Variants in PLCB1 observed in about 807,000 individuals in gnomAD.
PLCB1 encodes 1-phosphatidylinositol 4,5-bisphosphate phosphodiesterase beta-1.
PLCB1 carries 46 observed loss-of-function variants against 161.8 expected under a neutral mutation model. The observed-to-expected ratio is 0.28, with a 90% CI of 0.22 to 0.36. PLCB1 has a LOEUF of 0.36. Ranked by LOEUF, PLCB1 falls within the 10% of genes least tolerant of loss-of-function variation. The probability of loss-of-function intolerance (pLI) is 1.00; values close to 1 mark genes in which losing one functional copy is unlikely to be tolerated. For synonymous variants in PLCB1, 517 were observed against 503.7 expected (o/e 1.03, Z -0.35); for missense variants, 1,016 against 1,472.5 (o/e 0.69, Z 5.07).
chr20:8,592,436 G>A (rs1448894582), intron 3 of PLCB1, among the ~76,000 whole-genome samples: 1 of 152,200 alleles, frequency 6.6e-6, no homozygotes, highest in Non-Finnish European at 1.5e-5. Context: ...AATGCATGCA[G>A]GTCTTGGCTT....
At chr20:8,239,364 A>G (rs1980490310) in intron 2 of PLCB1, among the ~76,000 whole-genome samples, 1 of 152,010 alleles carries the variant, frequency 6.6e-6, no homozygotes, top group Non-Finnish European at 1.5e-5. Context: ...GATTTAAGCC[A>G]TCTTAGGCAA....
chr20:8,342,387 A>G (rs572650463), intron 2 of PLCB1, among the ~76,000 whole-genome samples: 5 of 152,354 alleles, frequency 3.3e-5, no homozygotes, highest in Admixed American at 2.0e-4. Flanking sequence ...AAAATAAGGA[A>G]GATGCACTGG....
chr20:8,605,618 T>C (rs1987734629), intron 3 of PLCB1, among the ~76,000 whole-genome samples: 1 of 151,118 alleles, frequency 6.6e-6, no homozygotes, highest in Non-Finnish European at 1.5e-5. Context: ...TTCTTTTTTT[T>C]TTTTTTTTTT....
intron 9 of PLCB1, among the ~76,000 whole-genome samples, chr20:8,662,473 A>G (rs1002675582): frequency 7.2e-6 from 1 of 137,954 alleles, no homozygotes; most frequent in Non-Finnish European, 1.5e-5. Flanking sequence ...AATTATGTAT[A>G]ATATATATAT....
At chr20:8,842,819 G>A (rs1285149405) in intron 31 of PLCB1, among the ~76,000 whole-genome samples, 1 of 152,270 alleles carries the variant, frequency 6.6e-6, no homozygotes, top group East Asian at 1.9e-4. Context: ...GATAACACAA[G>A]CAGTTAGCTC....
At chr20:8,163,095 A>C (rs986811684) in intron 2 of PLCB1, among the ~76,000 whole-genome samples, 2 of 152,230 alleles carry the variant, frequency 1.3e-5, no homozygotes, top group African/African-American at 4.8e-5. Flanking sequence ...ATTCAAGTTC[A>C]AGTGGTTTAT....
intron 31 of PLCB1, among the ~76,000 whole-genome samples, chr20:8,794,197 G>A (rs1017725304): frequency 1.3e-5 from 2 of 152,100 alleles, no homozygotes; most frequent in Non-Finnish European, 2.9e-5. Flanking sequence ...ATGGTCCTGA[G>A]GTGACATACA....
At chr20:8,179,847 T>A (rs968294014) in intron 2 of PLCB1, among the ~76,000 whole-genome samples, 1 of 28,998 alleles carries the variant, frequency 3.4e-5, no homozygotes, top group Non-Finnish European at 6.7e-5. Flanking sequence ...TGTTGAGGGC[T>A]TTTTTTTTTT....
chr20:8,523,490 C>CAATATATATATATATA (rs1206489907), intron 3 of PLCB1, among the ~76,000 whole-genome samples: 1 of 67,732 alleles, frequency 1.5e-5, no homozygotes, highest in African/African-American at 6.5e-5. Context: ...CTCTCTCTCT[C>CAATATATATATATATA]TCTCTCTATA....
chr20:8,571,981 C>G (rs1310681122), intron 3 of PLCB1, among the ~76,000 whole-genome samples: 2 of 151,948 alleles, frequency 1.3e-5, no homozygotes, highest in Non-Finnish European at 2.9e-5. Context: ...TCTCTCTTGA[C>G]TGGTAATGGT....
intron 4 of PLCB1, among the ~76,000 whole-genome samples, chr20:8,641,144 T>C (rs985402372): frequency 6.6e-6 from 1 of 152,214 alleles, no homozygotes; most frequent in Non-Finnish European, 1.5e-5. Flanking sequence ...CCCAAACCCT[T>C]ACACAAAAGC....
intron 3 of PLCB1, among the ~76,000 whole-genome samples, chr20:8,429,285 CT>C (rs1979929573): frequency 6.6e-6 from 1 of 152,162 alleles, no homozygotes; most frequent in Non-Finnish European, 1.5e-5. Flanking sequence ...TTCTCTAACT[CT>C]TTAATCACTG....
At chr20:8,685,371 C>G (rs1438128230) in intron 10 of PLCB1, among the ~76,000 whole-genome samples, 1 of 152,050 alleles carries the variant, frequency 6.6e-6, no homozygotes, top group Non-Finnish European at 1.5e-5. Context: ...ACTCATTCTT[C>G]AGTGTACTTG....
chr20:8,802,276 C>T, intron 31 of PLCB1: 1 of 621,962 alleles, frequency 1.6e-6, no homozygotes. Flanking sequence ...TCCTCCCTTT[C>T]TCTACATTCC....
chr20:8,807,573 TCC>T (rs1055327142), intron 31 of PLCB1, among the ~76,000 whole-genome samples: 15 of 152,072 alleles, frequency 9.9e-5, no homozygotes, highest in African/African-American at 3.1e-4. Flanking sequence ...TTTTTTTTTT[TCC>T]TTTTAATTCA....
At chr20:8,845,782 G>A (rs1316715525) in intron 31 of PLCB1, among the ~76,000 whole-genome samples, 1 of 152,058 alleles carries the variant, frequency 6.6e-6, no homozygotes, top group Non-Finnish European at 1.5e-5. Flanking sequence ...AGCACACAGA[G>A]GATTTGTTTA....
At chr20:8,862,400 T>G (rs1219817612) in intron 31 of PLCB1, among the ~76,000 whole-genome samples, 1 of 152,212 alleles carries the variant, frequency 6.6e-6, no homozygotes, top group East Asian at 1.9e-4. Context: ...TCTTTTCTCC[T>G]GTACATCAAT....
chr20:8,830,868 C>T (rs1401440139), intron 31 of PLCB1, among the ~76,000 whole-genome samples: 1 of 152,100 alleles, frequency 6.6e-6, no homozygotes, highest in Non-Finnish European at 1.5e-5. Flanking sequence ...TAGAAGCACA[C>T]TGATCTTCAC....
chr20:8,237,662 A>G (rs1980395299), intron 2 of PLCB1, among the ~76,000 whole-genome samples: 1 of 152,088 alleles, frequency 6.6e-6, no homozygotes, highest in Non-Finnish European at 1.5e-5. Context: ...TAAAGGAGAA[A>G]TCTCCATTTA....
Sources: allele counts gnomAD v4.1 joint callset (sites outside exome capture counted in the v4.1 genomes callset), GRCh38; gene constraint gnomAD v4.1.1; transcripts MANE v1.5; gene names NCBI Gene and HGNC (gene_info 2026-07-23, HGNC 2026-07-21).